Variants in WLS observed in about 807,000 individuals in gnomAD.
WLS encodes the protein Wnt ligand secretion mediator.
WLS carries 23 observed loss-of-function variants against 62.8 expected under a neutral mutation model. That is an observed-to-expected ratio of 0.37 (90% CI 0.26 to 0.52). WLS has a LOEUF of 0.52. Ranked by LOEUF, WLS falls within the 20% of genes least tolerant of loss-of-function variation. The pLI, the probability that WLS is intolerant of heterozygous loss-of-function variation, is 0.92. For synonymous variants in WLS, 246 were observed against 244.1 expected (o/e 1.01, Z -0.07); for missense variants, 615 against 697.3 (o/e 0.88, Z 1.33).
At chr1:68,119,170 T>C (rs956876556) in intron 11 of WLS, among the ~76,000 whole-genome samples, 1 of 151,242 alleles carries the variant, frequency 6.6e-6, no homozygotes, top group African/African-American at 2.5e-5. Context: ...CACAATAACA[T>C]AGAAAGATTT....
intron 11 of WLS, among the ~76,000 whole-genome samples, chr1:68,099,277 C>A (rs144184200): frequency 6.6e-6 from 1 of 151,988 alleles, no homozygotes; most frequent in Admixed American, 6.6e-5. Context: ...TACTCAGAGA[C>A]AGGAAAAAGA....
chr1:68,230,713 T>G (rs1487085636), intron 1 of WLS, among the ~76,000 whole-genome samples: 1 of 152,164 alleles, frequency 6.6e-6, no homozygotes. Context: ...GTTTTGTGGA[T>G]AAATGCACAC....
At chr1:68,153,391 A>G (rs1270185243) in intron 5 of WLS, 126 bp downstream of exon 5, 4 of 1,265,010 alleles carry the variant, frequency 3.2e-6, no homozygotes, top group Non-Finnish European at 4.4e-6. Context: ...GTCCAGGATG[A>G]CTCCTGGTCA....
chr1:68,229,842 C>CCTCCAAGA (rs1650330628), intron 1 of WLS, among the ~76,000 whole-genome samples: 1 of 152,162 alleles, frequency 6.6e-6, no homozygotes, highest in Non-Finnish European at 1.5e-5. Flanking sequence ...TAAACTTATA[C>CCTCCAAGA]AGTTTCCTCC....
downstream of WLS, among the ~76,000 whole-genome samples, chr1:68,123,672 C>T (rs115616899): frequency 3.3e-3 from 508 of 152,218 alleles, 6 homozygotes; most frequent in African/African-American, 6.4e-3. Context: ...AGATGGACAC[C>T]GATCTATAAG....
intron 1 of WLS, among the ~76,000 whole-genome samples, chr1:68,214,279 C>G (rs144161748): frequency 6.6e-6 from 1 of 152,126 alleles, no homozygotes; most frequent in East Asian, 1.9e-4. Context: ...TTATTTTATT[C>G]TTTAATTGTT....
chr1:68,106,282 A>G (rs893119441), intron 11 of WLS, among the ~76,000 whole-genome samples: 1 of 152,334 alleles, frequency 6.6e-6, no homozygotes, highest in African/African-American at 2.4e-5. Flanking sequence ...GAGGGGAGTT[A>G]GCAGTGAGTG....
intron 1 of WLS, among the ~76,000 whole-genome samples, chr1:68,223,394 G>A (rs1195968185): frequency 6.6e-6 from 1 of 152,200 alleles, no homozygotes; most frequent in African/African-American, 2.4e-5. Flanking sequence ...ACCAAGTAAG[G>A]TTTTGGGTCA....
intron 2 of WLS, chr1:68,161,852 T>A: frequency 1.2e-6 from 2 of 1,606,744 alleles, no homozygotes; most frequent in Non-Finnish European, 1.7e-6. Flanking sequence ...AGGTTGTGAG[T>A]CACTGGGATG....
At chr1:68,199,233 G>A (rs1478293112) in intron 1 of WLS, among the ~76,000 whole-genome samples, 1 of 152,158 alleles carries the variant, frequency 6.6e-6, no homozygotes, top group Non-Finnish European at 1.5e-5. Context: ...TTACTATTAT[G>A]CAGGTACCGT....
At chr1:68,170,768 T>C (rs1209971018) in intron 2 of WLS, among the ~76,000 whole-genome samples, 1 of 151,916 alleles carries the variant, frequency 6.6e-6, no homozygotes, top group Non-Finnish European at 1.5e-5. Flanking sequence ...TTATGACACT[T>C]ATTCTCCATG....
chr1:68,210,496 T>C (rs374426568), intron 1 of WLS, among the ~76,000 whole-genome samples: 1 of 152,174 alleles, frequency 6.6e-6, no homozygotes, highest in African/African-American at 2.4e-5. Flanking sequence ...CATTTAACCA[T>C]CGTAATGTTC....
intron 1 of WLS, among the ~76,000 whole-genome samples, chr1:68,224,985 C>A (rs1275734440): frequency 6.6e-6 from 1 of 152,130 alleles, no homozygotes; most frequent in African/African-American, 2.4e-5. Context: ...ACTATCTCTG[C>A]AACCTCAAAA....
chr1:68,107,037 A>C (rs1646156747), intron 11 of WLS, among the ~76,000 whole-genome samples: 1 of 152,206 alleles, frequency 6.6e-6, no homozygotes, highest in African/African-American at 2.4e-5. Flanking sequence ...GATTAGCATA[A>C]AGAAAATGAT....
intron 2 of WLS, among the ~76,000 whole-genome samples, chr1:68,163,851 G>T (rs1647022521): frequency 6.6e-6 from 1 of 152,142 alleles, no homozygotes; most frequent in Non-Finnish European, 1.5e-5. Context: ...TGCCTCATAT[G>T]CAGTAGGTGC....
downstream of WLS, chr1:68,125,351 G>A (rs191974585): frequency 1.6e-4 from 155 of 985,352 alleles, no homozygotes; most frequent in Admixed American, 5.2e-3. Context: ...TAATCTGCAC[G>A]CATGTGTATG....
At chr1:68,191,603 T>G (rs1211147749) in intron 2 of WLS, among the ~76,000 whole-genome samples, 1 of 152,220 alleles carries the variant, frequency 6.6e-6, no homozygotes, top group Non-Finnish European at 1.5e-5. Context: ...TGTGATCTTA[T>G]ATCCCCAGTA....
At chr1:68,222,663 T>G (rs910216878) in intron 1 of WLS, among the ~76,000 whole-genome samples, 4 of 152,104 alleles carry the variant, frequency 2.6e-5, no homozygotes, top group Non-Finnish European at 4.4e-5. Context: ...ATGGCTTCCC[T>G]TTCCTGGGAC....
intron 1 of WLS, chr1:68,231,766 T>G (rs1291763528): frequency 2.1e-6 from 1 of 470,870 alleles, no homozygotes; most frequent in Non-Finnish European, 4.2e-6. Flanking sequence ...TCCCCGACTC[T>G]TCTGTTGTTC....
Sources: allele counts gnomAD v4.1 joint callset (sites outside exome capture counted in the v4.1 genomes callset), GRCh38; gene constraint gnomAD v4.1.1; transcripts MANE v1.5; gene names NCBI Gene and HGNC (gene_info 2026-07-23, HGNC 2026-07-21).